RUFY2: variants seen among roughly 807,000 people sequenced by gnomAD.
The protein encoded by RUFY2 is RUN and FYVE domain containing 2, also known as RUN and FYVE domain-containing protein 2.
RUFY2 carries 49 observed loss-of-function variants against 94.4 expected under a neutral mutation model. The ratio of observed to expected loss-of-function variants is 0.52; its 90% CI spans 0.41 to 0.66. The LOEUF (loss-of-function observed/expected upper bound fraction) is 0.66. Ranked by LOEUF, RUFY2 falls within the 30% of genes least tolerant of loss-of-function variation. RUFY2 has a pLI of 0.00. For synonymous variants in RUFY2, 255 were observed against 235.7 expected, an observed-to-expected ratio of 1.08 and a Z score of -0.75; for missense variants, 541 against 692.8, an observed-to-expected ratio of 0.78 and a Z score of 2.46.
chr10:68,406,693 TC>T, intron 1 of RUFY2: 9 of 1,411,976 alleles, frequency 6.4e-6, no homozygotes, highest in Middle Eastern at 2.1e-4. Context: ...TCCTGCCCCC[TC>T]CCCCCAGCAA....
chr10:68,375,754 C>T (rs942387316), intron 13 of RUFY2, among the ~76,000 whole-genome samples: 2 of 146,740 alleles, frequency 1.4e-5, no homozygotes, highest in African/African-American at 2.5e-5. Flanking sequence ...CCAGCCCAGG[C>T]GATAGAGCGA....
downstream of RUFY2, chr10:68,342,933 G>A (rs2046050047): frequency 6.6e-6 from 1 of 152,094 alleles, no homozygotes; most frequent in South Asian, 2.1e-4. Flanking sequence ...AAAAATGTAA[G>A]CAACAAGTCC....
At chr10:68,364,526 C>T (rs1299155243) in intron 13 of RUFY2, among the ~76,000 whole-genome samples, 1 of 152,072 alleles carries the variant, frequency 6.6e-6, no homozygotes, top group African/African-American at 2.4e-5. Flanking sequence ...AAACTTTATT[C>T]CAATATAAGA....
intron 16 of RUFY2, among the ~76,000 whole-genome samples, chr10:68,352,778 A>C (rs2046773593): frequency 1.3e-5 from 2 of 151,888 alleles, no homozygotes; most frequent in Non-Finnish European, 2.9e-5. Flanking sequence ...AAAATATAAA[A>C]ATTAGGTGGC....
At chr10:68,358,568 A>G (rs1206955197) in intron 15 of RUFY2, among the ~76,000 whole-genome samples, 1 of 152,248 alleles carries the variant, frequency 6.6e-6, no homozygotes, top group Non-Finnish European at 1.5e-5. Flanking sequence ...TATGCTATAC[A>G]GAAAAACTGA....
At chr10:68,369,207 C>T (rs768117172) in intron 13 of RUFY2, among the ~76,000 whole-genome samples, 8 of 152,068 alleles carry the variant, frequency 5.3e-5, no homozygotes, top group African/African-American at 1.9e-4. Context: ...AAGGCCTTGC[C>T]GGCACAGTGG....
chr10:68,343,808 T>TAAAAAA lies in RUFY2; in HGVS notation c.*1954_*1959dup, dbSNP rs755419558. 1.7e-5 allele frequency: 2 copies of TAAAAAA among 115,682 alleles called. No homozygotes were observed. Among genetic ancestry groups the TAAAAAA allele is most frequent in the African/African-American group, 7.9e-5 (2 of 25,394 alleles). 7.2% of individuals were successfully genotyped at this position (115,682 alleles called of 1,614,324 possible). A position where few individuals can be genotyped will look rare whatever the true frequency, so the allele number is the denominator to read the frequency against. On this transcript the variant is annotated 3_prime_UTR_variant, in exon 18 of 18. Transcript: ENST00000602465. ...GCAAGTTGCTGTCATAAAAGCTGCC[T>TAAAAAA]AAAAAAAAAAAAAAAAAAAAAAAAA...
Position 68,396,865 on chromosome 10 carries a change from C to T in RUFY2, c.313G>A (p.Ala105Thr). The T allele has an allele frequency of 6.2e-7, 1 of 1,613,850 alleles. No individual in the cohort carries two copies. The highest frequency in any genetic ancestry group is 8.5e-7 in the Non-Finnish European group (1 of 1,179,808). Residue 105 changes from alanine to threonine, a missense_variant, in exon 4 of 18, where the codon GCA (alanine) becomes ACA (threonine). Physicochemically the swap from Ala to Thr is moderately conservative, Grantham distance 58. Around this residue, in one of 3 missense-constraint regions of RUFY2, gnomAD observed 85 missense variants for 153.4 expected, o/e 0.55. Transcript: ENST00000602465. ...LPGLKTPLGR[A>T]RAWLRLALMQ... ...AGGGCTAATCGAAGCCACGCTCTTGCTCGACCCAGAGGGGTCCTAAAGAGA... is the reference window on the plus strand; with the variant it reads ...AGGGCTAATCGAAGCCACGCTCTTGTTCGACCCAGAGGGGTCCTAAAGAGA...
In RUFY2 at chr10:68,376,489, T is replaced by TATATATATATACATATATATATTC. The variant is rs58358117; in HGVS notation, c.1325+363_1325+364insGAATATATATATGTATATATATAT. ...ATATATATATATATATATATATATATATTCTCAGAAAACAGCATGTCCTTT... is the reference window on the plus strand; with the variant it reads ...ATATATATATATATATATATATATATATATATATATACATATATATATTCATTCTCAGAAAACAGCATGTCCTTT... On this transcript the variant is annotated intron_variant, in intron 13 of 17. Coordinates refer to ENST00000602465, the MANE Select transcript of RUFY2 (RefSeq NM_001330103.2). 9.6e-5 allele frequency among the ~76,000 whole-genome samples: 5 copies of TATATATATATACATATATATATTC among 51,840 alleles called. 2 individuals are homozygous for TATATATATATACATATATATATTC. The highest frequency in any genetic ancestry group is 8.4e-4 in the Admixed American group (3 of 3,558). 34.0% of individuals were successfully genotyped at this position (51,840 alleles called of 152,430 possible). A position where few individuals can be genotyped will look rare whatever the true frequency, so the allele number is the denominator to read the frequency against.
At chr10:68,351,639 G>C (rs546457370) in intron 16 of RUFY2, among the ~76,000 whole-genome samples, 1 of 150,292 alleles carries the variant, frequency 6.7e-6, no homozygotes, top group Non-Finnish European at 1.5e-5. Flanking sequence ...TAGTAGAGGC[G>C]GGGTTTCACC....
intron 16 of RUFY2, chr10:68,346,725 G>A (rs555960220): frequency 5.3e-5 from 8 of 152,284 alleles, no homozygotes; most frequent in Non-Finnish European, 1.0e-4. Context: ...TACGAAATAA[G>A]CACATCATGG....
chr10:68,403,709 G>A (rs190472072), intron 2 of RUFY2, among the ~76,000 whole-genome samples: 1 of 152,052 alleles, frequency 6.6e-6, no homozygotes, highest in Admixed American at 6.6e-5. Flanking sequence ...ACATCACACA[G>A]GATTTCTCAA....
chr10:68,371,723 A>G (rs530226086), intron 13 of RUFY2, among the ~76,000 whole-genome samples: 1 of 152,342 alleles, frequency 6.6e-6, no homozygotes, highest in South Asian at 2.1e-4. Context: ...ATAAACCTAC[A>G]CATATAAGAA....
intron 1 of RUFY2, chr10:68,405,324 A>AAAG (rs1564861536): frequency 5.3e-5 from 17 of 320,580 alleles, no homozygotes; most frequent in Non-Finnish European, 7.1e-5. Context: ...AAAAAAAAAA[A>AAAG]AAAGAAAAAG....
At chr10:68,377,340 G>T in intron 12 of RUFY2, 1 of 1,076,248 alleles carries the variant, frequency 9.3e-7, no homozygotes, top group Non-Finnish European at 1.1e-6. Flanking sequence ...AAAAGCAAAG[G>T]ATTTATGCCT....
intron 13 of RUFY2, among the ~76,000 whole-genome samples, chr10:68,366,466 G>A (rs1185740416): frequency 3.3e-5 from 5 of 151,206 alleles, no homozygotes; most frequent in African/African-American, 1.2e-4. Context: ...TTTCAGGCTG[G>A]GCGCAGTGGC....
intron 13 of RUFY2, among the ~76,000 whole-genome samples, chr10:68,371,578 G>A (rs1216868950): frequency 2.7e-5 from 4 of 149,522 alleles, no homozygotes; most frequent in South Asian, 2.2e-4. Flanking sequence ...GCGACAGAGC[G>A]AGACTCCGCC....
downstream of RUFY2, chr10:68,341,853 T>C (rs111434178): frequency 6.2e-7 from 1 of 1,606,820 alleles, no homozygotes; most frequent in Non-Finnish European, 8.5e-7. Context: ...GTGGTTATGG[T>C]AAGTATCTCT....
intron 15 of RUFY2, among the ~76,000 whole-genome samples, chr10:68,357,630 T>C (rs1475890380): frequency 6.6e-6 from 1 of 152,174 alleles, no homozygotes; most frequent in African/African-American, 2.4e-5. Context: ...TGTGATCCCA[T>C]TACCCAGAGG....
Sources: gnomAD v4.1 joint callset for allele counts (sites outside exome capture counted in the v4.1 genomes callset) on GRCh38, gnomAD v4.1.1 for gene constraint, gnomAD v4.1.1 regional missense constraint, MANE v1.5 for transcripts, NCBI Gene and HGNC (gene_info 2026-07-23, HGNC 2026-07-21) for gene names.